The following PIKFYVE variants were observed in gnomAD, a reference collection of about 807,000 sequenced individuals.
PIKFYVE encodes the protein phosphoinositide kinase, FYVE-type zinc finger containing.
Under a neutral mutation model 257.9 loss-of-function variants are expected in PIKFYVE, and 122 were observed. The ratio of observed to expected loss-of-function variants is 0.47; its 90% CI spans 0.41 to 0.55. The LOEUF (loss-of-function observed/expected upper bound fraction) is 0.55. Ranked by LOEUF, PIKFYVE falls within the 20% of genes least tolerant of loss-of-function variation. PIKFYVE has a pLI of 0.00. For synonymous variants in PIKFYVE, 892 were observed against 868.9 expected (o/e 1.03, Z -0.47); for missense variants, 2,160 against 2,536.6 (o/e 0.85, Z 3.19).
At chr2:208,294,041 T>C (rs981838599) in intron 7 of PIKFYVE, among the ~76,000 whole-genome samples, 13 of 152,178 alleles carry the variant, frequency 8.5e-5, no homozygotes, top group African/African-American at 2.7e-4. Flanking sequence ...CTTTTTTCGG[T>C]ATTCCCATTA....
chr2:208,351,199 G>A (rs1699742983), intron 37 of PIKFYVE, among the ~76,000 whole-genome samples, 153 bp from the exon 38 acceptor site: 1 of 152,116 alleles, frequency 6.6e-6, no homozygotes. Flanking sequence ...AGTTAATTGA[G>A]AATTGTGTTC....
chr2:208,328,299 T>TA lies in PIKFYVE; in HGVS notation c.3719+20dup, dbSNP rs781470682. On this transcript the variant is annotated intron_variant, in intron 21 of 41. Transcript: ENST00000264380. ...GTCCTTGGTAGGATTCTTTTCCCCCTACACTATTCCACATAAGAACAGAAT... is the reference window on the plus strand; with the variant it reads ...GTCCTTGGTAGGATTCTTTTCCCCCTAACACTATTCCACATAAGAACAGAAT... 14 of 1,613,092 alleles carry TA rather than the reference T, an allele frequency of 8.7e-6. No homozygotes were observed. The highest frequency in any genetic ancestry group is 1.2e-5 in the Non-Finnish European group (14 of 1,179,448).
At chr2:208,271,813 C>T in intron 2 of PIKFYVE, 122 bp downstream of exon 2, 1 of 958,408 alleles carries the variant, frequency 1.0e-6, no homozygotes. Flanking sequence ...AATGCTGGGT[C>T]TGTAAGAAAG....
At position 208,330,558 on chromosome 2, in the gene PIKFYVE, C is replaced by T; in HGVS notation, c.3827C>T (p.Thr1276Ile). The stretch of plus-strand genomic sequence containing the variant: ...CAGTGTCCAAGCATGTTCTGTGATA[C>T]CCCCATGGTACATCATATTCGGCGC... ...SYQCPSMFCDTPMVHHIRRFV... is the reference protein window; with the variant it reads ...SYQCPSMFCDIPMVHHIRRFV... Residue 1276 changes from threonine (T) to isoleucine (I), a missense_variant, in exon 23 of 42, where the codon ACC becomes ATC. Physicochemically the swap from Thr to Ile is moderately conservative, Grantham distance 89. Around this residue, in one of 12 missense-constraint regions of PIKFYVE, gnomAD observed 55 missense variants for 103.0 expected, o/e 0.53. Coordinates refer to ENST00000264380, the MANE Select transcript of PIKFYVE (RefSeq NM_015040.4). The T allele has an allele frequency of 2.5e-6, 4 of 1,614,122 alleles. No homozygotes were observed. The highest frequency in any genetic ancestry group is 1.3e-5 in the African/African-American group (1 of 75,032).
chr2:208,288,549 A>G (rs1691882014), intron 6 of PIKFYVE, among the ~76,000 whole-genome samples, 180 bp from the exon 7 acceptor site: 1 of 152,248 alleles, frequency 6.6e-6, no homozygotes, highest in African/African-American at 2.4e-5. Flanking sequence ...CTTAAAAGCC[A>G]TGCACTGCAA....
At position 208,336,872 on chromosome 2, in the gene PIKFYVE, AAG is replaced by A; in HGVS notation, c.4559_4560del (p.Arg1520ThrfsTer63). 1 of 1,613,136 alleles carries A rather than the reference AAG, an allele frequency of 6.2e-7. No homozygotes were observed. On this transcript the variant is annotated frameshift_variant, in exon 28 of 42. Coordinates refer to ENST00000264380, the MANE Select transcript of PIKFYVE (RefSeq NM_015040.4). LOFTEE classifies it high-confidence loss of function. ...QDLFQQEKGR[K>X]RPSVPPSPGR... is the part of the protein sequence containing the mutation. ...CCTTTTCCAACAGGAAAAGGGTAGA[AAG>A]AGACCTTCAGTTCCTCCAAGTCCTG...
In PIKFYVE at chr2:208,271,492, T is replaced by C; in HGVS notation, c.-9-19T>C. On this transcript the variant is annotated intron_variant, in intron 1 of 41. Coordinates refer to ENST00000264380, the MANE Select transcript of PIKFYVE (RefSeq NM_015040.4). ...TTCCTGAGGAATTTAGATTTTTGCT[T>C]GTTTCTTTTGTTTTTCAGACTCATG... 3 of 1,613,390 alleles carry C rather than the reference T, an allele frequency of 1.9e-6. No individual in the cohort carries two copies. Among genetic ancestry groups the C allele is most frequent in the Non-Finnish European group, 2.5e-6 (3 of 1,179,342 alleles).
Position 208,273,713 on chromosome 2 carries a change from A to T in PIKFYVE, c.302A>T (p.Gln101Leu), listed in dbSNP as rs1293991952. ...AAAAAGCAGCTTAATGAGGAACTCC[A>T]GCGGCGCTCTTCAGCATTAGGTAAA... Reference protein sequence around the residue: ...PYKKQLNEELQRRSSALDTRR... With the variant: ...PYKKQLNEELLRRSSALDTRR... Residue 101 changes from glutamine to leucine, a missense_variant, in exon 3 of 42, where the codon CAG (glutamine) becomes CTG (leucine). Gln to Leu is a moderately radical substitution (Grantham distance 113). Transcript: ENST00000264380. 1 of 1,614,210 alleles carries T rather than the reference A, an allele frequency of 6.2e-7. No individual in the cohort carries two copies. The highest frequency in any genetic ancestry group is 8.5e-7 in the Non-Finnish European group (1 of 1,180,032).
intron 1 of PIKFYVE, among the ~76,000 whole-genome samples, chr2:208,268,415 C>T (rs1000452753): frequency 4.8e-5 from 7 of 144,394 alleles, no homozygotes; most frequent in Middle Eastern, 3.5e-3. Context: ...TCGTTTCTCT[C>T]CAGAGCTCTT....
intron 32 of PIKFYVE, 100 bp downstream of exon 32, chr2:208,342,749 T>A: frequency 3.2e-6 from 3 of 931,316 alleles, no homozygotes; most frequent in Non-Finnish European, 5.2e-6. Flanking sequence ...GCAAAATGAT[T>A]AAATATAAGC....
intron 13 of PIKFYVE, among the ~76,000 whole-genome samples, chr2:208,313,337 G>C (rs1314442631): frequency 6.6e-6 from 1 of 151,940 alleles, no homozygotes; most frequent in Non-Finnish European, 1.5e-5. Flanking sequence ...CTACATAAAT[G>C]CTATTTATTA....
chr2:208,330,101 GAACATCCCTC>G (rs1697353057), intron 22 of PIKFYVE, among the ~76,000 whole-genome samples, 188 bp downstream of exon 22: 1 of 152,066 alleles, frequency 6.6e-6, no homozygotes, highest in African/African-American at 2.4e-5. Context: ...CTCTTATCCA[GAACATCCCTC>G]ATATCTCTGC....
At chr2:208,267,608 G>T (rs528183984) in intron 1 of PIKFYVE, among the ~76,000 whole-genome samples, 1 of 145,956 alleles carries the variant, frequency 6.9e-6, no homozygotes, top group Non-Finnish European at 1.5e-5. Flanking sequence ...CCAGGGTTCA[G>T]GCGATTCTCC....
chr2:208,330,770 G>GC, intron 23 of PIKFYVE, 76 bp downstream of exon 23: 1 of 596,280 alleles, frequency 1.7e-6, no homozygotes, highest in Non-Finnish European at 2.7e-6. Context: ...TCCTGAGGAG[G>GC]TTTCCTATAT....
At chr2:208,337,275 GT>G (rs1362009765) in intron 28 of PIKFYVE, among the ~76,000 whole-genome samples, 3 of 152,044 alleles carry the variant, frequency 2.0e-5, no homozygotes, top group African/African-American at 7.2e-5. Context: ...CGCAGTTTTG[GT>G]TGTTTTTAAA....
rs1283264103 is a variant in PIKFYVE, at chr2:208,358,662, G to A, written c.*3357G>A. The A allele has an allele frequency of 6.6e-6, 1 of 152,580 alleles. No homozygotes were observed. The highest frequency in any genetic ancestry group is 6.5e-5 in the Admixed American group (1 of 15,278). The allele number at this position is 152,580 out of a possible 1,614,324, so 9.5% of individuals were successfully genotyped here. A position where few individuals can be genotyped will look rare whatever the true frequency, so the allele number is the denominator to read the frequency against. ...TCTAGCTATTTTATATGATTGACAT[G>A]TTATTTAAAAGATAACTGCCTTGAA... On this transcript the variant is annotated 3_prime_UTR_variant, in exon 42 of 42. Coordinates refer to ENST00000264380, the MANE Select transcript of PIKFYVE (RefSeq NM_015040.4).
Position 208,331,263 on chromosome 2 carries a change from ACT to A in PIKFYVE, c.3963+572_3963+573del, listed in dbSNP as rs1419655303. Among the ~76,000 whole-genome samples, 10 of 151,926 alleles carry A rather than the reference ACT, an allele frequency of 6.6e-5. No homozygotes were observed. The East Asian group carries it at 1.9e-3, about 29-fold the overall frequency. On this transcript the variant is annotated intron_variant, in intron 23 of 41. Coordinates refer to ENST00000264380, the MANE Select transcript of PIKFYVE (RefSeq NM_015040.4). ...CTTTGTGCCTTTCTTTACTTTTCTA[ACT>A]CTGGGGCAAAAATTTGGTGCCAATA...
At chr2:208,335,062 G>C (rs16841000) in intron 24 of PIKFYVE, among the ~76,000 whole-genome samples, 10,103 of 152,094 alleles carry the variant, frequency 0.066, 1,147 homozygotes, top group African/African-American at 0.23. Flanking sequence ...AGCAGGTAAG[G>C]ATAACTTCAA....
At chr2:208,268,423 CTTTTTTTTTTTT>C (rs35632672) in intron 1 of PIKFYVE, among the ~76,000 whole-genome samples, 10 of 78,696 alleles carry the variant, frequency 1.3e-4, no homozygotes, top group African/African-American at 3.6e-4. Flanking sequence ...CTCCAGAGCT[CTTTTTTTTTTTT>C]TTTTTTTTTT....
Sources: allele counts gnomAD v4.1 joint callset (sites outside exome capture counted in the v4.1 genomes callset), GRCh38; gene constraint gnomAD v4.1.1; regional missense constraint gnomAD v4.1.1; transcripts MANE v1.5; gene names NCBI Gene and HGNC (gene_info 2026-07-23, HGNC 2026-07-21).